ADGRG1: variants seen among roughly 807,000 people sequenced by gnomAD.
The protein encoded by ADGRG1 is adhesion G protein-coupled receptor G1.
Under a neutral mutation model 73.5 loss-of-function variants are expected in ADGRG1, and 53 were observed. The observed-to-expected ratio is 0.72, with a 90% confidence interval of 0.58 to 0.91. ADGRG1 has a LOEUF of 0.91. Ranked by LOEUF, ADGRG1 falls within the 40% of genes least tolerant of loss-of-function variation. ADGRG1 has a pLI of 0.00. For synonymous variants in ADGRG1, 394 were observed against 374.4 expected, an observed-to-expected ratio of 1.05 and a Z score of -0.60; for missense variants, 795 against 871.8, an observed-to-expected ratio of 0.91 and a Z score of 1.11.
At chr16:57,642,606 C>A in intron 1 of ADGRG1, 3 of 977,788 alleles carry the variant, frequency 3.1e-6, no homozygotes, top group Non-Finnish European at 3.6e-6. Flanking sequence ...CTTTGATATG[C>A]TAATATACAA....
At chr16:57,625,605 G>T (rs113921661), upstream of ADGRG1, 66 of 982,252 alleles carry the variant, frequency 6.7e-5, no homozygotes, top group African/African-American at 8.6e-4. Context: ...CTAGACCAGG[G>T]CTTCTCACAC....
At chr16:57,651,830 A>ACTGTCC in intron 3 of ADGRG1, 1 of 1,459,464 alleles carries the variant, frequency 6.9e-7, no homozygotes, top group Non-Finnish European at 9.0e-7. Context: ...GCTCGGCCCC[A>ACTGTCC]CTGTCCCTTG....
At chr16:57,623,117 TCTC>T (rs2035180955), upstream of ADGRG1, 1 of 973,926 alleles carries the variant, frequency 1.0e-6, no homozygotes. Flanking sequence ...GTCTCAGTCT[TCTC>T]CTCTCACAAA....
At chr16:57,627,533 A>G (rs879074893), upstream of ADGRG1, among the ~76,000 whole-genome samples, 2 of 152,192 alleles carry the variant, frequency 1.3e-5, no homozygotes, top group Admixed American at 6.5e-5. Context: ...CACAGGGAGT[A>G]TTTATTGAGG....
upstream of ADGRG1, chr16:57,625,806 C>A (rs909084026): frequency 1.3e-5 from 3 of 237,048 alleles, no homozygotes; most frequent in Non-Finnish European, 2.1e-5. Context: ...CTTCCAGAAT[C>A]TGCCCCTTGC....
intron 1 of ADGRG1, 75 bp downstream of exon 1, chr16:57,628,877 AGTGT>A (rs1173643140): frequency 2.3e-6 from 2 of 880,820 alleles, no homozygotes; most frequent in Admixed American, 6.5e-5. Context: ...TGTGAGCGTG[AGTGT>A]GTGAGAGTGT....
In ADGRG1 at chr16:57,651,551, C is replaced by T; in HGVS notation, c.416C>T (p.Ser139Phe). 1.9e-6 allele frequency: 3 copies of T among 1,614,196 alleles called. No individual in the cohort carries two copies. The highest frequency in any genetic ancestry group is 2.5e-6 in the Non-Finnish European group (3 of 1,180,040). The change falls in exon 3 of 14, where the codon TCT becomes TTT. Residue 139 changes from serine (S) to phenylalanine (F), a missense_variant. Ser to Phe is a radical substitution (Grantham distance 155). Transcript: ENST00000562631. ...LAQGPPLLATSVTSWWSPQNI... is the reference protein window; with the variant it reads ...LAQGPPLLATFVTSWWSPQNI... The stretch of plus-strand genomic sequence containing the variant: ...CAGGGCCCCCCGCTGTTAGCCACTT[C>T]TGTCACCTCCTGGTGGAGCCCTCAG...
chr16:57,649,838 C>T (rs1453610096), intron 1 of ADGRG1, among the ~76,000 whole-genome samples: 3 of 151,894 alleles, frequency 2.0e-5, no homozygotes, highest in Non-Finnish European at 4.4e-5. Flanking sequence ...AGTGCAGTGG[C>T]GCAGTTATAG....
Position 57,654,419 on chromosome 16 carries a change from CCCG to C in ADGRG1, c.768+287_768+289del, listed in dbSNP as rs1334902227. Among the ~76,000 whole-genome samples the C allele has an allele frequency of 4.5e-4, 60 of 134,566 alleles. 2 individuals are homozygous for C. The highest frequency in any genetic ancestry group is 1.6e-3 in the African/African-American group (59 of 36,208). The allele number at this position is 134,566 out of a possible 152,430, so 88.3% of individuals were successfully genotyped here. A position where few individuals can be genotyped will look rare whatever the true frequency, so the allele number is the denominator to read the frequency against. On this transcript the variant is annotated intron_variant, in intron 5 of 13. Transcript: ENST00000562631. ...AACGCCTGTCCACGCACCCCCCCCC[CCCG>C]TTTTTTTTTTTTCGAGACAGGGTCT...
chr16:57,651,480 A>G lies in ADGRG1; in HGVS notation c.345A>G (p.Lys115=). ...YGKRDFLLSD[K]ASSLLCFQHQ... ...AGCGTGACTTCTTGCTGAGTGACAA[A>G]GCCTCTAGCCTCCTCTGCTTCCAGC... The change falls in exon 3 of 14, where the codon AAA becomes AAG. Residue 115 remains lysine, a synonymous_variant. Coordinates refer to ENST00000562631, the MANE Select transcript of ADGRG1 (RefSeq NM_201525.4). 1 of 1,614,180 alleles carries G rather than the reference A, an allele frequency of 6.2e-7. No individual in the cohort carries two copies. The highest frequency in any genetic ancestry group is 8.5e-7 in the Non-Finnish European group (1 of 1,180,036).
At chr16:57,662,395 A>T (rs557139277) in intron 13 of ADGRG1, among the ~76,000 whole-genome samples, 3 of 144,404 alleles carry the variant, frequency 2.1e-5, no homozygotes, top group Admixed American at 1.4e-4. Flanking sequence ...CAAGAGAAGG[A>T]TCCCCCCATG....
chr16:57,647,611 C>G (rs2043008423), intron 1 of ADGRG1: 1 of 344,606 alleles, frequency 2.9e-6, no homozygotes, highest in East Asian at 1.7e-4. Context: ...CAAGGACACA[C>G]AGCTAGTGAG....
chr16:57,621,301 G>A (rs536468699), intron 1 of ADGRG1: 1 of 152,052 alleles, frequency 6.6e-6, no homozygotes, highest in African/African-American at 2.4e-5. Flanking sequence ...GGGATGTGTT[G>A]GGGGGCTGGG....
At position 57,629,712 on chromosome 16, in the gene ADGRG1, C is replaced by T. The variant is rs114244463; in HGVS notation, c.-36+910C>T. Among the ~76,000 whole-genome samples the T allele has an allele frequency of 4.8e-3, 725 of 152,314 alleles. 6 individuals are homozygous for T. The highest frequency in any genetic ancestry group is 0.017 in the African/African-American group (706 of 41,570). ...TGACAGGCAGACGGGGAAGCGCAGG[C>T]TGCGGGCTGAACACCCTGCCCGTTG... On this transcript the variant is annotated intron_variant, in intron 1 of 13. Coordinates refer to ENST00000562631, the MANE Select transcript of ADGRG1 (RefSeq NM_201525.4).
chr16:57,663,875 T>A lies in ADGRG1; in HGVS notation c.*293T>A, dbSNP rs1476118557. 1 of 505,164 alleles carries A rather than the reference T, an allele frequency of 2.0e-6. No homozygotes were observed. Among genetic ancestry groups the A allele is most frequent in the East Asian group, 3.6e-5 (1 of 27,474 alleles). 31.3% of individuals were successfully genotyped at this position (505,164 alleles called of 1,614,324 possible). On this transcript the variant is annotated 3_prime_UTR_variant, in exon 14 of 14. Transcript: ENST00000562631. The stretch of plus-strand genomic sequence containing the variant: ...TCCCAACCCAGCTGGAGGCCTGGTC[T>A]CTCCTTACAACCCCTGGGCCCAGCC...
chr16:57,662,841 G>A lies in ADGRG1; in HGVS notation c.1934-611G>A, dbSNP rs188088548. 7.0e-5 allele frequency: 47 copies of A among 668,062 alleles called. No homozygotes were observed. The African/African-American group carries it at 8.8e-4, about 12-fold the overall frequency. 41.4% of individuals were successfully genotyped at this position (668,062 alleles called of 1,614,324 possible). On this transcript the variant is annotated intron_variant, in intron 13 of 13. Coordinates refer to ENST00000562631, the MANE Select transcript of ADGRG1 (RefSeq NM_201525.4). ...CCCTCTGTTCCTGGCCGTGCAGAAT[G>A]GAAGGGGGTTGTATGGCCAGGCCCA...
chr16:57,647,237 G>A, intron 1 of ADGRG1: 1 of 985,420 alleles, frequency 1.0e-6, no homozygotes, highest in South Asian at 4.7e-5. Flanking sequence ...ACGGGCTTCT[G>A]GAGGAGGGAA....
At chr16:57,637,476 C>G in intron 1 of ADGRG1, 1 of 985,338 alleles carries the variant, frequency 1.0e-6, no homozygotes, top group Non-Finnish European at 1.2e-6. Context: ...CCCCCCAGGT[C>G]CCCTGAACCA....
In ADGRG1 at chr16:57,639,840, C is replaced by T. The variant is rs1449058719; in HGVS notation, c.-35-10413C>T. 3 of 954,310 alleles carry T rather than the reference C, an allele frequency of 3.1e-6. No individual in the cohort carries two copies. In the South Asian group the frequency reaches 1.5e-4, roughly 46 times the overall value. 59.1% of individuals were successfully genotyped at this position (954,310 alleles called of 1,614,324 possible). The stretch of plus-strand genomic sequence containing the variant: ...TCTTTTTCCTCTCCCGTGCATTCCC[C>T]TTCTCCCCAGCATTGATGGTGTAGC... On this transcript the variant is annotated intron_variant, in intron 1 of 13. Coordinates refer to ENST00000562631, the MANE Select transcript of ADGRG1 (RefSeq NM_201525.4).
Sources: allele counts gnomAD v4.1 joint callset (sites outside exome capture counted in the v4.1 genomes callset), GRCh38; gene constraint gnomAD v4.1.1; transcripts MANE v1.5; gene names NCBI Gene and HGNC (gene_info 2026-07-23, HGNC 2026-07-21).